PITPNM2: variants seen among roughly 807,000 people sequenced by gnomAD.
PITPNM2 encodes the protein phosphatidylinositol transfer protein membrane associated 2.
Under a neutral mutation model 132.2 loss-of-function variants are expected in PITPNM2, and 35 were observed. The observed-to-expected ratio is 0.26, with a 90% CI of 0.20 to 0.35. PITPNM2 has a LOEUF of 0.35. PITPNM2 is among the 10% of genes least tolerant of loss of function. The pLI is 1.00. For synonymous variants in PITPNM2, 738 were observed against 799.2 expected (o/e 0.92, Z 1.29); for missense variants, 1,332 against 1,912.0 (o/e 0.70, Z 5.66).
intron 2 of PITPNM2, among the ~76,000 whole-genome samples, chr12:123,074,914 A>G (rs907228547): frequency 6.6e-6 from 1 of 152,238 alleles, no homozygotes; most frequent in Non-Finnish European, 1.5e-5. Context: ...CTGTAAAGCA[A>G]TGCATAAAAA....
chr12:123,110,172 T>C (rs1352971066), intron 2 of PITPNM2, among the ~76,000 whole-genome samples: 1 of 152,140 alleles, frequency 6.6e-6, no homozygotes, highest in African/African-American at 2.4e-5. Context: ...CGAGGCTGTC[T>C]TGAAATCCTG....
chr12:123,013,308 C>G (rs1327461227), intron 4 of PITPNM2, among the ~76,000 whole-genome samples: 1 of 152,230 alleles, frequency 6.6e-6, no homozygotes, highest in Non-Finnish European at 1.5e-5. Flanking sequence ...ATCTATTCAA[C>G]TCAGCAGTGA....
chr12:123,004,794 C>T lies in PITPNM2; in HGVS notation c.953-305G>A, dbSNP rs2038852718. 6.6e-6 allele frequency among the ~76,000 whole-genome samples: 1 copy of T among 152,228 alleles called. No homozygotes were observed. Among genetic ancestry groups the T allele is most frequent in the Admixed American group, 6.5e-5 (1 of 15,286 alleles). On this transcript the variant is annotated intron_variant, in intron 7 of 25. Transcript: ENST00000320201. This position sits in a 1 kb window ranked among gnomAD's most constrained non-coding sequence, Gnocchi z 4.9. ...CCTGGGTCCACTCCTGGGCCTCTGACCTGAGTCTGACCAAGAGCAAACTCC... is the reference window on the plus strand; with the variant it reads ...CCTGGGTCCACTCCTGGGCCTCTGATCTGAGTCTGACCAAGAGCAAACTCC...
At chr12:123,087,852 C>G (rs1289327690) in intron 2 of PITPNM2, 1 of 152,262 alleles carries the variant, frequency 6.6e-6, no homozygotes, top group Non-Finnish European at 1.5e-5. Context: ...CTGCTAGACT[C>G]AAGCAATCCT....
chr12:123,003,769 G>A (rs921102590), intron 8 of PITPNM2, among the ~76,000 whole-genome samples: 3 of 152,204 alleles, frequency 2.0e-5, no homozygotes, highest in Non-Finnish European at 4.4e-5. Flanking sequence ...GGCTTGCAGA[G>A]GGACCCAAGC....
At chr12:123,140,818 C>T (rs1325493601) in intron 1 of PITPNM2, among the ~76,000 whole-genome samples, 2 of 152,080 alleles carry the variant, frequency 1.3e-5, no homozygotes, top group Non-Finnish European at 2.9e-5. Flanking sequence ...CTCAAAGTCA[C>T]ATAGACAGAT....
At chr12:123,041,092 G>A (rs913065686) in intron 2 of PITPNM2, among the ~76,000 whole-genome samples, 6 of 152,216 alleles carry the variant, frequency 3.9e-5, no homozygotes, top group African/African-American at 1.4e-4. Flanking sequence ...TAGACCTTCT[G>A]CCACCTGTTA....
chr12:122,994,674 G>C lies in PITPNM2; in HGVS notation c.2233+127C>G. On this transcript the variant is annotated intron_variant, in intron 15 of 25. Transcript: ENST00000320201. The surrounding 1 kb of genome is among the most constrained non-coding windows in gnomAD (Gnocchi z 5.4). ...GAGGATAGCAAGGGGCCCTTGGTGGGGAAGACAGGAAGGAGGGCAGAAACA... is the reference window on the plus strand; with the variant it reads ...GAGGATAGCAAGGGGCCCTTGGTGGCGAAGACAGGAAGGAGGGCAGAAACA... The C allele has an allele frequency of 9.1e-7, 1 of 1,095,462 alleles. No individual in the cohort carries two copies. The highest frequency in any genetic ancestry group is 1.7e-5 in the South Asian group (1 of 57,818). 67.9% of individuals were successfully genotyped at this position (1,095,462 alleles called of 1,614,324 possible).
chr12:123,124,963 AT>A lies in PITPNM2; in HGVS notation c.-199-14476del, dbSNP rs137858568. Among the ~76,000 whole-genome samples the A allele has an allele frequency of 8.2e-3, 1,241 of 151,996 alleles. 64 individuals carry two copies. In the East Asian group the frequency reaches 0.13, roughly 16 times the overall value. Reference sequence around the variant, plus strand: ...GCCTTTTCAATGTTTCGTTAAAAAAATTTTTTTTATTTTGAGACAGAGTCTC... The same window carrying A: ...GCCTTTTCAATGTTTCGTTAAAAAAATTTTTTTATTTTGAGACAGAGTCTC... On this transcript the variant is annotated intron_variant, in intron 1 of 25. Coordinates refer to ENST00000320201, the MANE Select transcript of PITPNM2 (RefSeq NM_020845.3).
Position 122,996,848 on chromosome 12 carries a change from G to A in PITPNM2, c.1535C>T (p.Ala512Val). 6.3e-7 allele frequency: 1 copy of A among 1,598,266 alleles called. No homozygotes were observed. The highest frequency in any genetic ancestry group is 8.5e-7 in the Non-Finnish European group (1 of 1,175,934). The change falls in exon 12 of 26, where the codon GCT (alanine) becomes GTT (valine). Residue 512 changes from alanine to valine, a missense_variant. Around this residue, in one of 6 missense-constraint regions of PITPNM2, gnomAD observed 710 missense variants for 911.5 expected, o/e 0.78. Coordinates refer to ENST00000320201, the MANE Select transcript of PITPNM2 (RefSeq NM_020845.3). ...LSSSQDHIPL[A>V]ALPLLATSSP... ...GGAGGTGGCCAGCAGGGGGAGGGCA[G>A]CCAGGGGAATGTGGTCCTGACTGCT...
chr12:123,109,351 A>C (rs941155928), intron 2 of PITPNM2, among the ~76,000 whole-genome samples: 1 of 152,176 alleles, frequency 6.6e-6, no homozygotes, highest in African/African-American at 2.4e-5. Context: ...ACAAAGAAAT[A>C]CGAAATGGAA....
At chr12:123,103,823 A>G (rs1445203659) in intron 2 of PITPNM2, among the ~76,000 whole-genome samples, 1 of 152,192 alleles carries the variant, frequency 6.6e-6, no homozygotes, top group Non-Finnish European at 1.5e-5. Context: ...CAAGTCCACA[A>G]GAACCTTCTT....
intron 1 of PITPNM2, among the ~76,000 whole-genome samples, chr12:123,113,711 A>C (rs961079840): frequency 4.0e-5 from 6 of 151,422 alleles, no homozygotes; most frequent in South Asian, 2.1e-4. Context: ...AACCCAACAA[A>C]CCCCCCCACC....
chr12:123,128,742 A>G (rs2043201208), intron 1 of PITPNM2, among the ~76,000 whole-genome samples: 1 of 148,482 alleles, frequency 6.7e-6, no homozygotes. Context: ...ATACAGTGAG[A>G]CTCGATATCA....
At position 123,022,784 on chromosome 12, in the gene PITPNM2, G is replaced by A. The variant is rs1394208747; in HGVS notation, c.79-8742C>T. Among the ~76,000 whole-genome samples the A allele has an allele frequency of 6.6e-6, 1 of 152,246 alleles. No homozygotes were observed. Among genetic ancestry groups the A allele is most frequent in the Non-Finnish European group, 1.5e-5 (1 of 68,042 alleles). Reference sequence around the variant, plus strand: ...CCCAACCCCTACCTAATAGGCACCAGGCATGGTGGGTAGCTGGTCTGGCAG... The same window carrying A: ...CCCAACCCCTACCTAATAGGCACCAAGCATGGTGGGTAGCTGGTCTGGCAG... On this transcript the variant is annotated intron_variant, in intron 3 of 25. Transcript: ENST00000320201. The surrounding 1 kb of genome is among the most constrained non-coding windows in gnomAD (Gnocchi z 4.9).
Position 123,097,131 on chromosome 12 carries a change from C to T in PITPNM2, c.-96+13254G>A, listed in dbSNP as rs1393185459. ...GATCTTGGCTTGCTGCAACCTCTTCCTCCTGGGTTCAAGTGATTCTCCTGC... is the reference window on the plus strand; with the variant it reads ...GATCTTGGCTTGCTGCAACCTCTTCTTCCTGGGTTCAAGTGATTCTCCTGC... On this transcript the variant is annotated intron_variant, in intron 2 of 25. Transcript: ENST00000320201. The surrounding 1 kb of genome is among the most constrained non-coding windows in gnomAD (Gnocchi z 4.7). Among the ~76,000 whole-genome samples, 1 of 152,132 alleles carries T rather than the reference C, an allele frequency of 6.6e-6. No individual in the cohort carries two copies. The highest frequency in any genetic ancestry group is 1.5e-5 in the Non-Finnish European group (1 of 68,020).
At chr12:123,146,828 C>T (rs1298749411) in intron 1 of PITPNM2, among the ~76,000 whole-genome samples, 1 of 151,980 alleles carries the variant, frequency 6.6e-6, no homozygotes, top group Non-Finnish European at 1.5e-5. Flanking sequence ...AGCATTAAAC[C>T]GGTAATCAGG....
rs539923197 is a variant in PITPNM2, at chr12:123,106,149, G to A, written c.-96+4236C>T. Among the ~76,000 whole-genome samples, 3 of 152,194 alleles carry A rather than the reference G, an allele frequency of 2.0e-5. No individual in the cohort carries two copies. The highest frequency in any genetic ancestry group is 4.4e-5 in the Non-Finnish European group (3 of 68,038). On this transcript the variant is annotated intron_variant, in intron 2 of 25. Coordinates refer to ENST00000320201, the MANE Select transcript of PITPNM2 (RefSeq NM_020845.3). The surrounding 1 kb of genome is among the most constrained non-coding windows in gnomAD (Gnocchi z 4.4). ...ACCCCAGATAGCCTGCTCTCAACAC[G>A]GCAGCCAGAAGACATCCTTCTGAAG... is the stretch of plus-strand genomic sequence containing the variant.
At chr12:123,021,082 C>T (rs768853586) in intron 3 of PITPNM2, among the ~76,000 whole-genome samples, 6 of 148,162 alleles carry the variant, frequency 4.0e-5, no homozygotes, top group Admixed American at 2.7e-4. Context: ...CCCAGGTACA[C>T]TTGGTACACT....
Sources: allele counts gnomAD v4.1 joint callset (sites outside exome capture counted in the v4.1 genomes callset), GRCh38; gene constraint gnomAD v4.1.1; regional missense constraint gnomAD v4.1.1; non-coding constraint Gnocchi (gnomAD v3.1); transcripts MANE v1.5; gene names NCBI Gene and HGNC (gene_info 2026-07-23, HGNC 2026-07-21).